CLCN6: variants seen among roughly 807,000 people sequenced by gnomAD.
CLCN6 encodes the protein Cl-/H+ antiporter 6, also known as H(+)/Cl(-) exchange transporter 6.
In CLCN6, 70 loss-of-function variants were observed where a neutral mutation model predicts 109.8. That is an observed-to-expected ratio of 0.64 (90% CI 0.53 to 0.78). CLCN6 has a LOEUF of 0.78. CLCN6 is among the 30% of genes least tolerant of loss of function. CLCN6 has a pLI of 0.00. For missense variants in CLCN6, 984 were observed against 1,142.3 expected, an observed-to-expected ratio of 0.86 and a Z score of 2.00; for synonymous variants, 444 against 447.8, an observed-to-expected ratio of 0.99 and a Z score of 0.11.
intron 13 of CLCN6, among the ~76,000 whole-genome samples, chr1:11,832,897 A>G (rs1386961456): frequency 6.6e-6 from 1 of 152,146 alleles, no homozygotes; most frequent in Non-Finnish European, 1.5e-5. Context: ...TAGAAGAAAT[A>G]ATCTCTTTTT....
At chr1:11,831,145 ATGTTTT>A (rs575265939) in intron 13 of CLCN6, among the ~76,000 whole-genome samples, 113 of 142,654 alleles carry the variant, frequency 7.9e-4, no homozygotes, top group Admixed American at 1.0e-3. Context: ...TTATATATAT[ATGTTTT>A]TGTTTTTGTT....
intron 20 of CLCN6, 35 bp from the exon 21 acceptor site, chr1:11,838,293 ACTGCTGC>A (rs1644975146): frequency 6.3e-7 from 1 of 1,577,374 alleles, no homozygotes; most frequent in South Asian, 1.1e-5. Flanking sequence ...CCTGCTGGCC[ACTGCTGC>A]CTGAGCACGG....
rs1644926612 is a variant in CLCN6 at position 11,834,998 on chromosome 1, T to G, written c.1793+408T>G. 6.6e-6 allele frequency among the ~76,000 whole-genome samples: 1 copy of G among 152,204 alleles called. No individual in the cohort carries two copies. The highest frequency in any genetic ancestry group is 2.4e-5 in the African/African-American group (1 of 41,442). ...CGGGATTGTTCTGGGCATAATCACC[T>G]CATAACCCACCTGCTAATCCACAGG... On this transcript the variant is annotated intron_variant, in intron 17 of 22. Coordinates refer to ENST00000346436, the MANE Select transcript of CLCN6 (RefSeq NM_001286.5). The surrounding 1 kb of genome is among the most constrained non-coding windows in gnomAD (Gnocchi z 4.5).
chr1:11,829,214 T>C lies in CLCN6; in HGVS notation c.1140T>C (p.Leu380=), dbSNP rs1159060798. 8.7e-6 allele frequency: 14 copies of C among 1,613,916 alleles called. No individual in the cohort carries two copies. The highest frequency in any genetic ancestry group is 1.2e-5 in the Non-Finnish European group (14 of 1,179,956). ...PKLVRVLESL[L]VSLVTTVVVF... is the part of the protein sequence containing the mutation. ...CTCCTAGAGTCTTAGAGAGCCTCCT[T>C]GTGTCTCTGGTAACCACCGTGGTGG... The change falls in exon 13 of 23, where the codon CTT becomes CTC. Residue 380 remains leucine, a synonymous_variant. Coordinates refer to ENST00000346436, the MANE Select transcript of CLCN6 (RefSeq NM_001286.5).
At chr1:11,817,715 T>G (rs1223537498) in intron 4 of CLCN6, among the ~76,000 whole-genome samples, 1 of 152,350 alleles carries the variant, frequency 6.6e-6, no homozygotes, top group East Asian at 1.9e-4. Context: ...TATCTTGAAC[T>G]GGCCACAAGC....
chr1:11,835,938 A>G, intron 17 of CLCN6, 29 bp from the exon 18 acceptor site: 2 of 1,602,174 alleles, frequency 1.2e-6, no homozygotes, highest in African/African-American at 1.3e-5. Flanking sequence ...CACTGTCATG[A>G]GGCTGGATGA....
chr1:11,826,245 T>C (rs762332943), intron 9 of CLCN6, 31 bp downstream of exon 9: 3 of 1,576,894 alleles, frequency 1.9e-6, no homozygotes, highest in Non-Finnish European at 2.6e-6. Context: ...GGTTTCTTTT[T>C]TGGAAACAAC....
Position 11,837,474 on chromosome 1 carries a change from GA to G in CLCN6, c.2271del (p.Val758PhefsTer35). 6.2e-7 allele frequency: 1 copy of G among 1,614,018 alleles called. No individual in the cohort carries two copies. The highest frequency in any genetic ancestry group is 8.5e-7 in the Non-Finnish European group (1 of 1,179,906). ...CAGCTTGTCACCCTGCTTGTCCGAG[GA>G]GTTTGTTACTCTGAAAGCCAGTCGG... ...RSQLVTLLVR[G>X]VCYSESQSSA... On this transcript the variant is annotated frameshift_variant, in exon 20 of 23. Transcript: ENST00000346436. LOFTEE classifies it high-confidence loss of function.
chr1:11,815,729 C>T, intron 2 of CLCN6, 117 bp from the exon 3 acceptor site: 1 of 750,752 alleles, frequency 1.3e-6, no homozygotes. Context: ...CTCCTGGGTG[C>T]TGCAGGTACC....
At chr1:11,824,409 G>C (rs1557426714) in intron 7 of CLCN6, 77 bp from the exon 8 acceptor site, 9 of 1,206,824 alleles carry the variant, frequency 7.5e-6, no homozygotes, top group Non-Finnish European at 7.2e-6. Flanking sequence ...CACGAGGAAG[G>C]TTTTTGTAGC....
At chr1:11,826,479 G>A (rs976271731) in intron 9 of CLCN6, among the ~76,000 whole-genome samples, 1 of 152,206 alleles carries the variant, frequency 6.6e-6, no homozygotes, top group Non-Finnish European at 1.5e-5. Flanking sequence ...AACCAAGAAA[G>A]GCCACAGACA....
In CLCN6 at chr1:11,828,572, A is replaced by G; in HGVS notation, c.1069A>G (p.Arg357Gly). 1 of 1,614,140 alleles carries G rather than the reference A, an allele frequency of 6.2e-7. No individual in the cohort carries two copies. Among genetic ancestry groups the G allele is most frequent in the Non-Finnish European group, 8.5e-7 (1 of 1,180,024 alleles). Reference protein sequence around the residue: ...LGATFNCLNKRLAKYRMRNVH... With the variant: ...LGATFNCLNKGLAKYRMRNVH... ...AGCCACATTCAACTGTCTGAACAAGAGGCTTGCAAAGTACCGTATGCGAAA... is the reference window on the plus strand; with the variant it reads ...AGCCACATTCAACTGTCTGAACAAGGGGCTTGCAAAGTACCGTATGCGAAA... Residue 357 changes from arginine (R) to glycine (G), a missense_variant, in exon 12 of 23, where the codon AGG (arginine) becomes GGG (glycine). By Grantham distance (125) the Arg-to-Gly change is moderately radical. Transcript: ENST00000346436.
Position 11,840,370 on chromosome 1 carries a change from T to C in CLCN6, c.*147T>C. 2 of 723,582 alleles carry C rather than the reference T, an allele frequency of 2.8e-6. No homozygotes were observed. The highest frequency in any genetic ancestry group is 2.6e-5 in the East Asian group (1 of 37,776). The allele number at this position is 723,582 out of a possible 1,614,324, so 44.8% of individuals were successfully genotyped here. A position where few individuals can be genotyped will look rare whatever the true frequency, so the allele number is the denominator to read the frequency against. On this transcript the variant is annotated 3_prime_UTR_variant, in exon 23 of 23. Transcript: ENST00000346436. ...AGCCGGGAGTCATCGGACACCTTGC[T>C]GGTCAGAGGTCCTGGGGGTGGTTTT... is the stretch of plus-strand genomic sequence containing the variant.
In CLCN6 at chr1:11,838,439, C is replaced by T. The variant is rs751006338; in HGVS notation, c.2400C>T (p.Ile800=). The T allele has an allele frequency of 3.5e-5, 57 of 1,614,002 alleles. No homozygotes were observed. Among genetic ancestry groups the T allele is most frequent in the Middle Eastern group, 1.6e-4 (1 of 6,082 alleles). ...LDLTLLNPRM[I]VDVTPYMNPS... is the part of the protein sequence containing the mutation. ...TGACGCTGCTCAACCCGCGCATGAT[C>T]GTGGTGAGAAGGGCTGCCCCGGCCT... is the stretch of plus-strand genomic sequence containing the variant. The change falls in exon 21 of 23, where the codon ATC becomes ATT. Residue 800 remains isoleucine, a synonymous_variant. Coordinates refer to ENST00000346436, the MANE Select transcript of CLCN6 (RefSeq NM_001286.5).
chr1:11,827,637 A>G (rs978686138), intron 10 of CLCN6, among the ~76,000 whole-genome samples: 2 of 112,340 alleles, frequency 1.8e-5, no homozygotes, highest in African/African-American at 3.8e-5. Flanking sequence ...GGCTTCTGAC[A>G]TCAGGTGATC....
At chr1:11,812,626 G>T (rs1039762329) in intron 2 of CLCN6, among the ~76,000 whole-genome samples, 4 of 142,888 alleles carry the variant, frequency 2.8e-5, no homozygotes, top group African/African-American at 7.8e-5. Flanking sequence ...GCAAACAAAA[G>T]ATACCACGGC....
At chr1:11,827,430 C>CTTTTTTTTTTT (rs59015951) in intron 10 of CLCN6, among the ~76,000 whole-genome samples, 7 of 105,026 alleles carry the variant, frequency 6.7e-5, no homozygotes, top group African/African-American at 1.2e-4. Flanking sequence ...ACCGCTGTTA[C>CTTTTTTTTTTT]TTTTTTTTTT....
intron 8 of CLCN6, among the ~76,000 whole-genome samples, chr1:11,825,895 G>A (rs1435389876): frequency 6.6e-6 from 1 of 152,178 alleles, no homozygotes; most frequent in Admixed American, 6.5e-5. Context: ...CAAAGTGGTG[G>A]GATTACAGGC....
At chr1:11,806,715 A>G (rs1248201340) in intron 1 of CLCN6, 2 of 355,786 alleles carry the variant, frequency 5.6e-6, no homozygotes, top group East Asian at 5.1e-5. Flanking sequence ...TTCTCACTCT[A>G]TCCCTCACCC....
Sources: gnomAD v4.1 joint callset for allele counts (sites outside exome capture counted in the v4.1 genomes callset) on GRCh38, gnomAD v4.1.1 for gene constraint, Gnocchi (gnomAD v3.1) non-coding constraint, MANE v1.5 for transcripts, NCBI Gene and HGNC (gene_info 2026-07-23, HGNC 2026-07-21) for gene names.